Variants in MLLT3 observed in about 807,000 individuals in gnomAD.
MLLT3 encodes the protein protein AF-9.
MLLT3 carries 4 observed loss-of-function variants against 53.2 expected under a neutral mutation model. That is an observed-to-expected ratio of 0.08 (90% CI 0.04 to 0.17). The LOEUF (loss-of-function observed/expected upper bound fraction) is 0.17. MLLT3 is among the 10% of genes least tolerant of loss of function. MLLT3 has a pLI of 1.00. For synonymous variants in MLLT3, 283 were observed against 230.6 expected (o/e 1.23, Z -2.06); for missense variants, 569 against 684.0 (o/e 0.83, Z 1.87).
intron 2 of MLLT3, among the ~76,000 whole-genome samples, chr9:20,525,126 T>TAA (rs757232208): frequency 6.2e-4 from 35 of 56,120 alleles, no homozygotes; most frequent in African/African-American, 9.9e-4. Context: ...GAAGAAAGAC[T>TAA]AAAAAAAAAA....
chr9:20,357,493 T>TA (rs1213774330), intron 8 of MLLT3, among the ~76,000 whole-genome samples: 3 of 152,254 alleles, frequency 2.0e-5, no homozygotes, highest in Non-Finnish European at 4.4e-5. Context: ...CTTTTGTCTT[T>TA]AATCTGAGAA....
intron 2 of MLLT3, among the ~76,000 whole-genome samples, chr9:20,564,009 A>G (rs549036864): frequency 1.3e-5 from 2 of 152,296 alleles, no homozygotes; most frequent in South Asian, 4.1e-4. Context: ...GCATTTTTAG[A>G]GCAGCATGCT....
At chr9:20,611,787 T>C (rs1227229453) in intron 2 of MLLT3, among the ~76,000 whole-genome samples, 2 of 152,254 alleles carry the variant, frequency 1.3e-5, no homozygotes, top group African/African-American at 4.8e-5. Context: ...CGTCAACCAC[T>C]GCAAACTTAC....
chr9:20,361,918 G>C (rs1000700833), intron 7 of MLLT3, among the ~76,000 whole-genome samples: 2 of 152,126 alleles, frequency 1.3e-5, no homozygotes, highest in Non-Finnish European at 2.9e-5. Flanking sequence ...AATGTATTCA[G>C]ACAGACAAGA....
chr9:20,365,599 C>T (rs1821429720), intron 6 of MLLT3, 70 bp downstream of exon 6: 1 of 1,557,816 alleles, frequency 6.4e-7, no homozygotes, highest in South Asian at 1.1e-5. Flanking sequence ...CCACCCGTGT[C>T]AGCCTCCCAA....
intron 3 of MLLT3, among the ~76,000 whole-genome samples, chr9:20,452,941 A>G (rs1202885528): frequency 6.6e-6 from 1 of 152,206 alleles, no homozygotes; most frequent in Non-Finnish European, 1.5e-5. Context: ...TCTGCTGTGC[A>G]TTGCAACTAT....
intron 2 of MLLT3, among the ~76,000 whole-genome samples, chr9:20,565,350 T>G (rs1372352645): frequency 1.3e-5 from 2 of 152,136 alleles, no homozygotes; most frequent in Non-Finnish European, 2.9e-5. Flanking sequence ...CACAGTGAGC[T>G]GTAATGCAAC....
chr9:20,534,157 G>C (rs1818417356), intron 2 of MLLT3, among the ~76,000 whole-genome samples: 1 of 152,056 alleles, frequency 6.6e-6, no homozygotes, highest in African/African-American at 2.4e-5. Context: ...ACAAAATAGG[G>C]ATATTTCGAA....
At chr9:20,586,676 T>C (rs947306297) in intron 2 of MLLT3, among the ~76,000 whole-genome samples, 3 of 84,678 alleles carry the variant, frequency 3.5e-5, no homozygotes, top group African/African-American at 1.2e-4. Context: ...CTAATAAACA[T>C]CAAGGAGTTT....
chr9:20,382,878 G>A (rs1821939385), intron 5 of MLLT3, among the ~76,000 whole-genome samples: 1 of 149,102 alleles, frequency 6.7e-6, no homozygotes, highest in African/African-American at 2.6e-5. Flanking sequence ...AAGATTGCAG[G>A]ATCTATTTGT....
At chr9:20,483,168 G>A (rs1326821461) in intron 2 of MLLT3, among the ~76,000 whole-genome samples, 5 of 151,948 alleles carry the variant, frequency 3.3e-5, no homozygotes, top group African/African-American at 4.8e-5. Flanking sequence ...CCATATTAAC[G>A]CAATGATCAG....
At chr9:20,537,982 T>A (rs1252901003) in intron 2 of MLLT3, among the ~76,000 whole-genome samples, 2 of 152,170 alleles carry the variant, frequency 1.3e-5, no homozygotes, top group African/African-American at 4.8e-5. Flanking sequence ...TTAATATAAA[T>A]GCAAGGTTCA....
chr9:20,416,116 A>C (rs1279023421), intron 4 of MLLT3, among the ~76,000 whole-genome samples: 1 of 151,956 alleles, frequency 6.6e-6, no homozygotes, highest in Non-Finnish European at 1.5e-5. Flanking sequence ...ATTCTATTAC[A>C]TTTCCTGTCA....
At chr9:20,376,866 T>C (rs2118684890) in intron 5 of MLLT3, among the ~76,000 whole-genome samples, 1 of 152,312 alleles carries the variant, frequency 6.6e-6, no homozygotes, top group Admixed American at 6.5e-5. Flanking sequence ...GTTAAGAGCT[T>C]TGAGAATGAG....
At chr9:20,355,124 A>G (rs981339770) in intron 8 of MLLT3, among the ~76,000 whole-genome samples, 1 of 150,788 alleles carries the variant, frequency 6.6e-6, no homozygotes, top group African/African-American at 2.4e-5. Context: ...AAAACAACAC[A>G]GTTGATGATA....
At position 20,522,875 on chromosome 9, in the gene MLLT3, C is replaced by T. The variant is rs146555647; in HGVS notation, c.194-66089G>A. Among the ~76,000 whole-genome samples the T allele has an allele frequency of 4.7e-3, 718 of 152,116 alleles. 4 individuals carry two copies. The highest frequency in any genetic ancestry group is 0.015 in the African/African-American group (632 of 41,492). The stretch of plus-strand genomic sequence containing the variant: ...ACTCTGGAGGCTGAGATAGGAGAAT[C>T]ATCTGAGCTAAAGGAAGTCGAGGCT... On this transcript the variant is annotated intron_variant, in intron 2 of 10. Transcript: ENST00000380338.
At chr9:20,403,939 C>A (rs1822518625) in intron 5 of MLLT3, among the ~76,000 whole-genome samples, 1 of 152,106 alleles carries the variant, frequency 6.6e-6, no homozygotes, top group African/African-American at 2.4e-5. Flanking sequence ...CCACCTCAGC[C>A]TCCCAAGTAG....
chr9:20,537,616 G>C (rs1158022727), intron 2 of MLLT3, among the ~76,000 whole-genome samples: 5 of 152,108 alleles, frequency 3.3e-5, no homozygotes, highest in Admixed American at 6.6e-5. Flanking sequence ...GTTCCAATGT[G>C]AATTTTCACA....
At chr9:20,599,222 T>C (rs1373352664) in intron 2 of MLLT3, among the ~76,000 whole-genome samples, 1 of 151,020 alleles carries the variant, frequency 6.6e-6, no homozygotes, top group Non-Finnish European at 1.5e-5. Flanking sequence ...GAGAATCACT[T>C]GAACCAGGGA....
Sources: gnomAD v4.1 joint callset for allele counts (sites outside exome capture counted in the v4.1 genomes callset) on GRCh38, gnomAD v4.1.1 for gene constraint, MANE v1.5 for transcripts, NCBI Gene and HGNC (gene_info 2026-07-23, HGNC 2026-07-21) for gene names.